AKAP19: variants seen among roughly 807,000 people sequenced by gnomAD.
AKAP19 encodes A-kinase anchoring protein 19.
the AKAP19 span, among the ~76,000 whole-genome samples, chr2:190,069,166 G>GTC: frequency 4.8e-5 from 7 of 145,162 alleles, no homozygotes; most frequent in East Asian, 1.0e-3. Context: ...GTGTGTGTGT[G>GTC]TGTGTGTGTG....
chr2:189,958,762 C>A, the AKAP19 span, among the ~76,000 whole-genome samples: 1 of 151,650 alleles, frequency 6.6e-6, no homozygotes, highest in Non-Finnish European at 1.5e-5. Context: ...TAATGGAATG[C>A]TACATAGCAA....
the AKAP19 span, among the ~76,000 whole-genome samples, chr2:190,081,866 A>G: frequency 6.6e-6 from 1 of 152,186 alleles, no homozygotes; most frequent in Non-Finnish European, 1.5e-5. Context: ...CTGACTTAAC[A>G]GAACCACATC....
At chr2:189,943,631 C>A in the AKAP19 span, among the ~76,000 whole-genome samples, 1 of 152,226 alleles carries the variant, frequency 6.6e-6, no homozygotes, top group Non-Finnish European at 1.5e-5. Context: ...AATCCACCAG[C>A]AGCTTGCACC....
At chr2:190,106,103 C>A in the AKAP19 span, among the ~76,000 whole-genome samples, 2 of 152,158 alleles carry the variant, frequency 1.3e-5, no homozygotes, top group Non-Finnish European at 2.9e-5. Context: ...GCAAAAGAGA[C>A]AAACATACAT....
chr2:190,133,889 A>T, the AKAP19 span, among the ~76,000 whole-genome samples: 1 of 152,206 alleles, frequency 6.6e-6, no homozygotes, highest in African/African-American at 2.4e-5. Context: ...AATTTCGGTT[A>T]TGAGAAATAA....
the AKAP19 span, among the ~76,000 whole-genome samples, chr2:190,114,148 T>C: frequency 6.6e-6 from 1 of 152,206 alleles, no homozygotes; most frequent in Admixed American, 6.5e-5. Context: ...CTGGTTCTTA[T>C]CATACTTTGA....
the AKAP19 span, among the ~76,000 whole-genome samples, chr2:189,986,101 C>T: frequency 6.6e-5 from 10 of 152,144 alleles, no homozygotes; most frequent in Admixed American, 1.3e-4. Flanking sequence ...CAGGAATTTG[C>T]GGGTGTGGTA....
At chr2:190,007,316 A>G in the AKAP19 span, among the ~76,000 whole-genome samples, 1 of 152,204 alleles carries the variant, frequency 6.6e-6, no homozygotes, top group South Asian at 2.1e-4. Flanking sequence ...TGACTTCATA[A>G]CATCCGTTCT....
chr2:189,968,616 A>C, the AKAP19 span, among the ~76,000 whole-genome samples: 2 of 152,204 alleles, frequency 1.3e-5, no homozygotes, highest in African/African-American at 4.8e-5. Flanking sequence ...ATAGCTATGC[A>C]CTACATACAA....
the AKAP19 span, among the ~76,000 whole-genome samples, chr2:189,908,659 T>G: frequency 2.0e-5 from 3 of 152,344 alleles, no homozygotes; most frequent in South Asian, 6.2e-4. Context: ...TATTTGGGGA[T>G]TTAAAAATGT....
chr2:189,917,081 G>A, the AKAP19 span, among the ~76,000 whole-genome samples: 3 of 152,208 alleles, frequency 2.0e-5, no homozygotes, highest in African/African-American at 7.2e-5. Flanking sequence ...AGAATATAAT[G>A]ATAACATATA....
At chr2:190,056,749 A>G in the AKAP19 span, 1 of 158,514 alleles carries the variant, frequency 6.3e-6, no homozygotes, top group Admixed American at 6.0e-5. Context: ...TGGAAATTGC[A>G]TATGCTGCAC....
the AKAP19 span, among the ~76,000 whole-genome samples, chr2:190,146,346 G>A: frequency 9.3e-4 from 141 of 152,190 alleles, no homozygotes; most frequent in African/African-American, 3.1e-3. Context: ...ATAGTATTCC[G>A]TCATTTATAT....
chr2:190,034,661 A>C, the AKAP19 span, among the ~76,000 whole-genome samples: 1 of 151,720 alleles, frequency 6.6e-6, no homozygotes, highest in African/African-American at 2.4e-5. Context: ...CCTGGCCAAC[A>C]TGACGAAACC....
chr2:189,991,189 T>C, the AKAP19 span, among the ~76,000 whole-genome samples: 2 of 152,226 alleles, frequency 1.3e-5, no homozygotes, highest in South Asian at 4.1e-4. Flanking sequence ...AATAATGACT[T>C]CTTTTACTCT....
At chr2:189,969,558 G>A in the AKAP19 span, among the ~76,000 whole-genome samples, 2 of 151,486 alleles carry the variant, frequency 1.3e-5, no homozygotes, top group African/African-American at 2.4e-5. Flanking sequence ...GTGAAACCCC[G>A]TCTCTACTAA....
At chr2:190,200,052 C>G in the AKAP19 span, 1 of 1,614,074 alleles carries the variant, frequency 6.2e-7, no homozygotes, top group Admixed American at 1.7e-5. Flanking sequence ...ATGCACACCG[C>G]CTGTCTCAGG....
chr2:189,923,487 G>A, the AKAP19 span: 19 of 1,613,812 alleles, frequency 1.2e-5, no homozygotes, highest in African/African-American at 2.7e-5. Context: ...GTTCATAAGG[G>A]CTTTGCCTTC....
At chr2:190,004,590 T>A in the AKAP19 span, among the ~76,000 whole-genome samples, 6 of 152,084 alleles carry the variant, frequency 3.9e-5, no homozygotes, top group Non-Finnish European at 5.9e-5. Flanking sequence ...TTTATTTTTT[T>A]TTTTTGAGAG....
Sources: gnomAD v4.1 joint callset for allele counts (sites outside exome capture counted in the v4.1 genomes callset) on GRCh38, gnomAD v4.1.1 for gene constraint, MANE v1.5 for transcripts, NCBI Gene and HGNC (gene_info 2026-07-23, HGNC 2026-07-21) for gene names.